The following TSG101 variants were observed in gnomAD, a reference collection of about 807,000 sequenced individuals.
TSG101 encodes the protein tumor susceptibility 101, also known as tumor susceptibility gene 101 protein.
In TSG101, 19 loss-of-function variants were observed where a neutral mutation model predicts 48.5. The ratio of observed to expected loss-of-function variants is 0.39; its 90% CI spans 0.27 to 0.58. The LOEUF (loss-of-function observed/expected upper bound fraction) is 0.58, where lower values mean the gene tolerates loss of function less well. TSG101 is among the 20% of genes least tolerant of loss of function. The pLI, the probability that TSG101 is intolerant of heterozygous loss-of-function variation, is 0.55. For synonymous variants in TSG101, 174 were observed against 169.4 expected (o/e 1.03, Z -0.21); for missense variants, 365 against 484.4 (o/e 0.75, Z 2.31).
intron 7 of TSG101, among the ~76,000 whole-genome samples, chr11:18,500,369 T>C (rs1480766234): frequency 6.6e-6 from 1 of 152,208 alleles, no homozygotes; most frequent in Admixed American, 6.5e-5. Context: ...AACTGTCTGG[T>C]AGTTCTAATT....
intron 1 of TSG101, among the ~76,000 whole-genome samples, chr11:18,520,262 C>T (rs1028779439): frequency 5.9e-5 from 9 of 152,250 alleles, no homozygotes; most frequent in African/African-American, 2.2e-4. Flanking sequence ...CTCGCTCTGT[C>T]GCCCAGGATG....
At chr11:18,525,296 C>T (rs1041978525) in intron 1 of TSG101, among the ~76,000 whole-genome samples, 1 of 151,956 alleles carries the variant, frequency 6.6e-6, no homozygotes, top group Non-Finnish European at 1.5e-5. Context: ...CCTGTATTCC[C>T]ATCATTTTGG....
Position 18,516,144 on chromosome 11 carries a change from T to C in TSG101, c.148A>G (p.Arg50Gly). 6.2e-7 allele frequency: 1 copy of C among 1,613,820 alleles called. No homozygotes were observed. Among genetic ancestry groups the C allele is most frequent in the Non-Finnish European group, 8.5e-7 (1 of 1,179,850 alleles). The change falls in exon 3 of 10, where the codon AGG becomes GGG. Residue 50 changes from arginine to glycine, a missense_variant. Transcript: ENST00000251968. Reference sequence around the variant, plus strand: ...GTTCCAGTGAGGTTCATTAGTTCCCTGGAACTGCCATCGTTAAAAACTGAA... The same window carrying C: ...GTTCCAGTGAGGTTCATTAGTTCCCCGGAACTGCCATCGTTAAAAACTGAA... ...DSYVFNDGSS[R>G]ELMNLTGTIP...
At position 18,514,814 on chromosome 11, in the gene TSG101, A is replaced by T; in HGVS notation, c.221T>A (p.Leu74Gln). The stretch of plus-strand genomic sequence containing the variant: ...ATATGGGTATGTGTCCAGTAGCCAT[A>T]GGCATATTGGAATATTGTATGTATT... ...RGNTYNIPIC[L>Q]WLLDTYPYNP... Residue 74 changes from leucine to glutamine, a missense_variant, in exon 4 of 10, where the codon CTA becomes CAA. Physicochemically the swap from Leu to Gln is moderately radical, Grantham distance 113 (BLOSUM62 -2). Coordinates refer to ENST00000251968, the MANE Select transcript of TSG101 (RefSeq NM_006292.4). 6.4e-7 allele frequency: 1 copy of T among 1,570,552 alleles called. No individual in the cohort carries two copies. Among genetic ancestry groups the T allele is most frequent in the Non-Finnish European group, 8.6e-7 (1 of 1,166,202 alleles).
intron 4 of TSG101, among the ~76,000 whole-genome samples, chr11:18,512,852 G>A (rs1222226482): frequency 2.0e-5 from 3 of 150,192 alleles, no homozygotes; most frequent in South Asian, 2.1e-4. Context: ...CTCAGCCTCC[G>A]GAGTAGCTGG....
At chr11:18,493,122 C>T (rs1333807796) in intron 7 of TSG101, among the ~76,000 whole-genome samples, 1 of 152,174 alleles carries the variant, frequency 6.6e-6, no homozygotes, top group Non-Finnish European at 1.5e-5. Context: ...CAAAAGTGCC[C>T]TTCTACAATT....
At position 18,509,615 on chromosome 11, in the gene TSG101, T is replaced by G; in HGVS notation, c.408A>C (p.Gly136=). 1 of 1,613,940 alleles carries G rather than the reference T, an allele frequency of 6.2e-7. No homozygotes were observed. Among genetic ancestry groups the G allele is most frequent in the Non-Finnish European group, 8.5e-7 (1 of 1,179,876 alleles). The change falls in exon 5 of 10, where the codon GGA becomes GGC. Residue 136 remains glycine (G), a synonymous_variant. Transcript: ENST00000251968. ...GLIQVMIVVF[G]DEPPVFSRPI... ...GACGAGAGAAGACTGGAGGTTCATC[T>G]CCAAATACCACAATCATGACCTGAA...
chr11:18,481,961 A>G lies in TSG101; in HGVS notation c.844-92T>C, dbSNP rs1342950672. On this transcript the variant is annotated intron_variant, in intron 8 of 9. Coordinates refer to ENST00000251968, the MANE Select transcript of TSG101 (RefSeq NM_006292.4). ...ACTTCACAGGAAAAGACAGGCTAAC[A>G]ACCATGTTTAAACAACTCATGGATG... 3.9e-6 allele frequency: 6 copies of G among 1,521,286 alleles called. No individual in the cohort carries two copies. In the East Asian group the frequency reaches 1.4e-4, roughly 34 times the overall value. 94.2% of individuals were successfully genotyped at this position (1,521,286 alleles called of 1,614,324 possible).
rs542160255 is a variant in TSG101, at chr11:18,506,224, GA to G, written c.548+632del. On this transcript the variant is annotated intron_variant, in intron 6 of 9. Transcript: ENST00000251968. ...TCCTGGGCTGCATTTTTATTTTAAA[GA>G]GGAAAGAAATGGGTTGAGTAATGAC... Among the ~76,000 whole-genome samples the G allele has an allele frequency of 2.0e-5, 3 of 152,154 alleles. No individual in the cohort carries two copies. The East Asian group carries it at 5.8e-4, about 29-fold the overall frequency.
At chr11:18,484,171 T>A (rs1849586976) in intron 7 of TSG101, 99 bp from the exon 8 acceptor site, 2 of 1,194,658 alleles carry the variant, frequency 1.7e-6, no homozygotes, top group Non-Finnish European at 2.4e-6. Context: ...GAACCGACAC[T>A]TTCAAAATGT....
chr11:18,526,122 G>A (rs1057015674), intron 1 of TSG101, among the ~76,000 whole-genome samples: 1 of 146,680 alleles, frequency 6.8e-6, no homozygotes, highest in African/African-American at 2.5e-5. Context: ...ATGCTTAACT[G>A]CTTTTTTAAA....
chr11:18,509,778 A>T (rs1205199183), intron 4 of TSG101, 113 bp from the exon 5 acceptor site: 13 of 1,149,260 alleles, frequency 1.1e-5, no homozygotes, highest in Middle Eastern at 3.1e-4. Flanking sequence ...TCTTTGTAGG[A>T]CCCCAATCAT....
chr11:18,498,809 T>A (rs1438005924), intron 7 of TSG101, among the ~76,000 whole-genome samples: 1 of 151,930 alleles, frequency 6.6e-6, no homozygotes, highest in African/African-American at 2.4e-5. Flanking sequence ...GTCACACCAA[T>A]GTTAAGAAAA....
chr11:18,480,566 C>G lies in TSG101; in HGVS notation c.1153G>C (p.Gly385Arg), dbSNP rs756122505. Residue 385 changes from glycine (G) to arginine (R), a missense_variant, in exon 10 of 10, where the codon GGT becomes CGT. Coordinates refer to ENST00000251968, the MANE Select transcript of TSG101 (RefSeq NM_006292.4). ...ALMQKARKTA[G>R]LSDLY is the part of the protein sequence containing the mutation. The stretch of plus-strand genomic sequence containing the variant: ...AGAAGTCAGTAGAGGTCACTGAGAC[C>G]GGCAGTCTTTCTTGCTTTTTGCATT... The G allele has an allele frequency of 5.0e-6, 8 of 1,613,780 alleles. No homozygotes were observed. In the Admixed American group the frequency reaches 1.2e-4, roughly 24 times the overall value.
intron 2 of TSG101, among the ~76,000 whole-genome samples, chr11:18,517,241 G>A (rs1306515886): frequency 6.6e-6 from 1 of 151,342 alleles, no homozygotes; most frequent in Admixed American, 6.6e-5. Context: ...TGAACTCCTG[G>A]ACTCAAATGG....
At chr11:18,497,076 G>C (rs1429485403) in intron 7 of TSG101, among the ~76,000 whole-genome samples, 1 of 152,134 alleles carries the variant, frequency 6.6e-6, no homozygotes, top group Non-Finnish European at 1.5e-5. Context: ...TGGCGACAGA[G>C]CGAGTCTGTC....
chr11:18,499,274 T>C (rs1849837778), intron 7 of TSG101, among the ~76,000 whole-genome samples: 1 of 131,850 alleles, frequency 7.6e-6, no homozygotes, highest in African/African-American at 2.8e-5. Flanking sequence ...TTTATATATA[T>C]TTATATATAT....
intron 4 of TSG101, among the ~76,000 whole-genome samples, chr11:18,513,623 C>A (rs1850123140): frequency 6.6e-6 from 1 of 152,182 alleles, no homozygotes; most frequent in Non-Finnish European, 1.5e-5. Flanking sequence ...TATGGCTTTT[C>A]TCCCAAATCT....
chr11:18,521,669 CCT>C (rs563237417), intron 1 of TSG101, among the ~76,000 whole-genome samples: 18,226 of 111,066 alleles, frequency 0.16, 2,196 homozygotes, highest in Admixed American at 0.21. Context: ...CTGGCCCCTT[CCT>C]TTTTTTTTTT....
Sources: gnomAD v4.1 joint callset for allele counts (sites outside exome capture counted in the v4.1 genomes callset) on GRCh38, gnomAD v4.1.1 for gene constraint, MANE v1.5 for transcripts, NCBI Gene and HGNC (gene_info 2026-07-23, HGNC 2026-07-21) for gene names.